ABCA10: variants seen among roughly 807,000 people sequenced by gnomAD.
ABCA10 encodes ATP binding cassette subfamily A member 10, also known as ATP-binding cassette sub-family A member 10.
A neutral mutation model predicts 187.5 loss-of-function variants in ABCA10; 169 were observed. The ratio of observed to expected loss-of-function variants is 0.90; its 90% CI spans 0.80 to 1.02. ABCA10 has a LOEUF of 1.02. Among genes scored for constraint, ABCA10 ranks in the 50% least tolerant of loss-of-function variants. The probability of loss-of-function intolerance (pLI) is 0.00; values close to 1 mark genes in which losing one functional copy is unlikely to be tolerated. For missense variants in ABCA10, 1,727 were observed against 1,812.4 expected, an observed-to-expected ratio of 0.95 and a Z score of 0.86; for synonymous variants, 574 against 601.8, an observed-to-expected ratio of 0.95 and a Z score of 0.68.
intron 9 of ABCA10, among the ~76,000 whole-genome samples, chr17:69,213,439 G>A (rs572466711): frequency 7.2e-5 from 11 of 152,166 alleles, no homozygotes; most frequent in Admixed American, 2.6e-4. Flanking sequence ...TCAGACCAAC[G>A]GTGTTATGTT....
intron 9 of ABCA10, among the ~76,000 whole-genome samples, chr17:69,211,416 T>C (rs1239155757): frequency 6.7e-6 from 1 of 148,958 alleles, no homozygotes; most frequent in African/African-American, 2.5e-5. Flanking sequence ...CTAATGTTCA[T>C]CAGAGATATT....
intron 30 of ABCA10, 26 bp downstream of exon 30, chr17:69,154,993 A>T (rs771057238): frequency 6.7e-6 from 10 of 1,485,400 alleles, no homozygotes; most frequent in Non-Finnish European, 8.4e-6. Context: ...CATTATAATA[A>T]TAATAAAAGG....
intron 25 of ABCA10, among the ~76,000 whole-genome samples, chr17:69,167,607 GAAA>G (rs1432094113): frequency 6.6e-6 from 1 of 152,120 alleles, no homozygotes; most frequent in East Asian, 1.9e-4. Context: ...CCACACCAGA[GAAA>G]TTAACACAAG....
intron 11 of ABCA10, among the ~76,000 whole-genome samples, chr17:69,195,171 G>A (rs562194820): frequency 6.6e-6 from 1 of 152,278 alleles, no homozygotes; most frequent in South Asian, 2.1e-4. Context: ...AATTTTAAAA[G>A]ATTCTCTGAA....
In ABCA10 at chr17:69,194,951, A is replaced by G. The variant is rs80262124; in HGVS notation, c.1235-456T>C. ...ATATTCGGAGGGAGGTAGAACTGAT[A>G]AAGAAAACATTGGTAAAGTATCTCC... On this transcript the variant is annotated intron_variant, in intron 11 of 38. Coordinates refer to ENST00000690296, the MANE Select transcript of ABCA10 (RefSeq NM_001377321.1). 9.2e-5 allele frequency among the ~76,000 whole-genome samples: 14 copies of G among 152,298 alleles called. No individual in the cohort carries two copies. In the East Asian group the frequency reaches 2.7e-3, roughly 29 times the overall value.
intron 25 of ABCA10, among the ~76,000 whole-genome samples, chr17:69,167,787 C>A (rs2074264617): frequency 6.6e-6 from 1 of 152,058 alleles, no homozygotes. Context: ...ATGATACAGG[C>A]ACTGAAACAA....
Position 69,182,216 on chromosome 17 carries a change from A to G in ABCA10, c.2706T>C (p.Asn902=). Residue 902 remains asparagine, a synonymous_variant, in exon 22 of 39, where the codon AAT becomes AAC. Transcript: ENST00000690296. ...TGAAGTTAAAAATTCCCATAAGGGC[A>G]TTGCTAACAATTCCCATAAGAACAG... ...CFPVLMGIVS[N]ALMGIFNFTE... 6.2e-7 allele frequency: 1 copy of G among 1,602,262 alleles called. No homozygotes were observed.
intron 9 of ABCA10, among the ~76,000 whole-genome samples, chr17:69,212,052 C>T (rs1037605550): frequency 3.9e-5 from 6 of 151,940 alleles, no homozygotes; most frequent in Non-Finnish European, 5.9e-5. Flanking sequence ...TCTCCAGTTC[C>T]TTGAGGTGTG....
intron 36 of ABCA10, 107 bp downstream of exon 36, chr17:69,151,936 A>G (rs928228809): frequency 6.1e-6 from 9 of 1,471,764 alleles, no homozygotes; most frequent in South Asian, 2.8e-5. Flanking sequence ...TTTGTGATGA[A>G]TAAGTCCACT....
intron 9 of ABCA10, among the ~76,000 whole-genome samples, chr17:69,204,281 G>T (rs1394791996): frequency 6.6e-6 from 1 of 152,050 alleles, no homozygotes; most frequent in African/African-American, 2.4e-5. Context: ...CACGTTGCTG[G>T]GCATACATGC....
At position 69,191,436 on chromosome 17, in the gene ABCA10, A is replaced by G. The variant is rs370670521; in HGVS notation, c.1872-121T>C. The G allele has an allele frequency of 2.8e-6, 3 of 1,056,254 alleles. No individual in the cohort carries two copies. In the East Asian group the frequency reaches 9.4e-5, roughly 33 times the overall value. 65.4% of individuals were successfully genotyped at this position (1,056,254 alleles called of 1,614,324 possible). A position where few individuals can be genotyped will look rare whatever the true frequency, so the allele number is the denominator to read the frequency against. Reference sequence around the variant, plus strand: ...CAGGCATATTCTACTTAACTCTAGTAATTGGTTCCTGCAAATCAGATACTC... The same window carrying G: ...CAGGCATATTCTACTTAACTCTAGTGATTGGTTCCTGCAAATCAGATACTC... On this transcript the variant is annotated intron_variant, in intron 16 of 38. Transcript: ENST00000690296.
At chr17:69,229,153 T>C (rs2074814709), upstream of ABCA10, among the ~76,000 whole-genome samples, 1 of 151,998 alleles carries the variant, frequency 6.6e-6, no homozygotes, top group Admixed American at 6.6e-5. Context: ...CTAGAAAGTG[T>C]TCTAAGGGTT....
chr17:69,171,139 G>A (rs879631335), intron 25 of ABCA10, among the ~76,000 whole-genome samples: 2 of 152,016 alleles, frequency 1.3e-5, no homozygotes, highest in Admixed American at 6.6e-5. Flanking sequence ...TCCTCTCCCC[G>A]ACAAAAACTT....
rs138758131 is a variant in ABCA10, at chr17:69,187,867, C to A, written c.2144G>T (p.Gly715Val). 4.9e-5 allele frequency: 79 copies of A among 1,613,288 alleles called. No homozygotes were observed. In the African/African-American group the frequency reaches 9.6e-4, roughly 20 times the overall value. The change falls in exon 19 of 39, where the codon GGG becomes GTG. Residue 715 changes from glycine (G) to valine (V), a missense_variant. Gly to Val is a moderately radical substitution (Grantham distance 109). Transcript: ENST00000690296. Reference protein sequence around the residue: ...SAIDEPDFDIGKQEKIHVTRN... With the variant: ...SAIDEPDFDIVKQEKIHVTRN... ...TGTCACATGTATTTTCTCTTGTTTC[C>A]CAATGTCAAAATCTACAATCATGTA...
upstream of ABCA10, among the ~76,000 whole-genome samples, chr17:69,231,274 G>A (rs1389997672): frequency 6.6e-6 from 1 of 152,034 alleles, no homozygotes. Flanking sequence ...GTCTTCAAAT[G>A]GCATTCTCCT....
intron 9 of ABCA10, among the ~76,000 whole-genome samples, chr17:69,210,351 G>C (rs1157068390): frequency 6.7e-6 from 1 of 149,068 alleles, no homozygotes; most frequent in Non-Finnish European, 1.5e-5. Flanking sequence ...CACCGCGCCC[G>C]GCTAATTTTT....
chr17:69,191,503 G>C (rs1471170817), intron 16 of ABCA10, among the ~76,000 whole-genome samples, 188 bp from the exon 17 acceptor site: 2 of 152,130 alleles, frequency 1.3e-5, no homozygotes, highest in African/African-American at 2.4e-5. Flanking sequence ...CTAATTGGTA[G>C]CCTATTTTGC....
intron 25 of ABCA10, among the ~76,000 whole-genome samples, chr17:69,167,808 A>T (rs1001336390): frequency 3.9e-5 from 6 of 152,178 alleles, no homozygotes; most frequent in Non-Finnish European, 8.8e-5. Flanking sequence ...AAGCAAACAG[A>T]GGGAAAAGGA....
intron 1 of ABCA10, among the ~76,000 whole-genome samples, chr17:69,228,221 T>G (rs1239825877): frequency 2.0e-5 from 3 of 151,868 alleles, no homozygotes; most frequent in Non-Finnish European, 4.4e-5. Flanking sequence ...AAAAACATTT[T>G]AAAAGAACAA....
Sources: allele counts gnomAD v4.1 joint callset (sites outside exome capture counted in the v4.1 genomes callset), GRCh38; gene constraint gnomAD v4.1.1; transcripts MANE v1.5; gene names NCBI Gene and HGNC (gene_info 2026-07-23, HGNC 2026-07-21).